PLIN4: variants seen among roughly 807,000 people sequenced by gnomAD.
PLIN4 encodes perilipin 4, also known as perilipin-4.
PLIN4 carries 57 observed loss-of-function variants against 52.4 expected under a neutral mutation model. The observed-to-expected ratio is 1.09, with a 90% confidence interval of 0.88 to 1.36. PLIN4 has a LOEUF of 1.36. PLIN4 is among the 40% of genes most tolerant of loss of function. The pLI, the probability that PLIN4 is intolerant of heterozygous loss-of-function variation, is 0.00. For synonymous variants in PLIN4, 826 were observed against 785.4 expected, an observed-to-expected ratio of 1.05 and a Z score of -0.86; for missense variants, 1,757 against 1,770.3, an observed-to-expected ratio of 0.99 and a Z score of 0.13.
intron 2 of PLIN4, 121 bp from the exon 3 acceptor site, chr19:4,517,819 G>C (rs1041566575): frequency 3.0e-6 from 4 of 1,332,816 alleles, no homozygotes; most frequent in Non-Finnish European, 4.0e-6. Flanking sequence ...GTGACCTCAG[G>C]AAAGTGTTTC....
Position 4,504,427 on chromosome 19 carries a change from C to T in PLIN4, c.*32G>A, listed in dbSNP as rs191354464. 1.9e-3 allele frequency: 2,813 copies of T among 1,488,716 alleles called. 60 individuals carry two copies. The African/African-American group carries it at 0.035, about 19-fold the overall frequency. 92.2% of individuals were successfully genotyped at this position (1,488,716 alleles called of 1,614,324 possible). A position where few individuals can be genotyped will look rare whatever the true frequency, so the allele number is the denominator to read the frequency against. ...CAGCTCCTCCCTGGACAGAGCAGGG[C>T]GACCCCGCGCCGGGCCTGCAGGCTC... On this transcript the variant is annotated 3_prime_UTR_variant, in exon 8 of 8. Coordinates refer to ENST00000301286, the MANE Select transcript of PLIN4 (RefSeq NM_001367868.2).
rs902255174 is a variant in PLIN4 at position 4,505,031 on chromosome 19, T to C, written c.3703-84A>G. 22 of 1,306,154 alleles carry C rather than the reference T, an allele frequency of 1.7e-5. No individual in the cohort carries two copies. In the African/African-American group the frequency reaches 2.9e-4, roughly 17 times the overall value. The allele number at this position is 1,306,154 out of a possible 1,614,324, so 80.9% of individuals were successfully genotyped here. ...CCCACCTCCCCCTCCCCCAGGGACC[T>C]GGGCACATTCACAGTCCTGGGAGAA... On this transcript the variant is annotated intron_variant, in intron 6 of 7. Coordinates refer to ENST00000301286, the MANE Select transcript of PLIN4 (RefSeq NM_001367868.2).
At chr19:4,517,470 G>A (rs1334454657) in intron 3 of PLIN4, 84 bp downstream of exon 3, 3 of 1,488,362 alleles carry the variant, frequency 2.0e-6, no homozygotes, top group South Asian at 1.3e-5. Context: ...TCCCCAAATG[G>A]CTGGAAGTCC....
Position 4,504,128 on chromosome 19 carries a change from C to T in PLIN4, c.*331G>A, listed in dbSNP as rs115997946. The T allele has an allele frequency of 1.3e-3, 348 of 266,020 alleles. 1 individual carries two copies. The highest frequency in any genetic ancestry group is 6.9e-3 in the African/African-American group (314 of 45,364). The allele number at this position is 266,020 out of a possible 1,614,324, so 16.5% of individuals were successfully genotyped here. On this transcript the variant is annotated 3_prime_UTR_variant, in exon 8 of 8. Coordinates refer to ENST00000301286, the MANE Select transcript of PLIN4 (RefSeq NM_001367868.2). ...AACAGATGCCCTTCCAGGCTGGGCA[C>T]GCTGCTTTTTCTCTTTCCTAATTGC... is the stretch of plus-strand genomic sequence containing the variant.
In PLIN4 at chr19:4,504,668, C is replaced by T. The variant is rs764909577; in HGVS notation, c.3907G>A (p.Gly1303Arg). The change falls in exon 8 of 8, where the codon GGG (glycine) becomes AGG (arginine). Residue 1303 changes from glycine to arginine, a missense_variant. Transcript: ENST00000301286. ...GLPAELQQPV[G>R]RARHSLCELY... is the part of the protein sequence containing the mutation. ...TCACAGAGGCTGTGCCGCGCCCGCCCCACTGGCTGCTGGAGCTCGGCGGGC... is the reference window on the plus strand; with the variant it reads ...TCACAGAGGCTGTGCCGCGCCCGCCTCACTGGCTGCTGGAGCTCGGCGGGC... 6.2e-7 allele frequency: 1 copy of T among 1,603,026 alleles called. No homozygotes were observed. Among genetic ancestry groups the T allele is most frequent in the Admixed American group, 1.7e-5 (1 of 59,576 alleles).
At chr19:4,506,473 C>T (rs965430662) in intron 6 of PLIN4, among the ~76,000 whole-genome samples, 1 of 152,226 alleles carries the variant, frequency 6.6e-6, no homozygotes, top group African/African-American at 2.4e-5. Context: ...CAAGCATCAT[C>T]CAACGCGACG....
rs376558815 is a variant in PLIN4 at position 4,504,902 on chromosome 19, G to C, written c.3748C>G (p.Gln1250Glu). ...QAPEGQPRLD[Q>E]GSGASAEDAA... ...TCCTCCGCACTGGCACCTGAGCCCT[G>C]GTCCAGACGTGGCTGCCCTTCTGGA... Residue 1250 changes from glutamine (Q) to glutamate (E), a missense_variant, in exon 7 of 8, where the codon CAG (glutamine) becomes GAG (glutamate). Gln to Glu is a conservative substitution (Grantham distance 29). Around this residue, in one of 7 missense-constraint regions of PLIN4, gnomAD observed 712 missense variants for 637.1 expected, o/e 1.12. Coordinates refer to ENST00000301286, the MANE Select transcript of PLIN4 (RefSeq NM_001367868.2). 1.2e-6 allele frequency: 2 copies of C among 1,608,232 alleles called. No individual in the cohort carries two copies. Among genetic ancestry groups the C allele is most frequent in the Admixed American group, 3.4e-5 (2 of 59,276 alleles).
In PLIN4 at chr19:4,517,752, G is replaced by A. The variant is rs200375580; in HGVS notation, c.52-54C>T. ...GAGCAGGCCAAGCCTCGGCAGGAAC[G>A]GGTCAGAGGAAGCATCGATTGATCA... On this transcript the variant is annotated intron_variant, in intron 2 of 7. Transcript: ENST00000301286. 4.2e-5 allele frequency: 65 copies of A among 1,534,336 alleles called. No individual in the cohort carries two copies. In the Admixed American group the frequency reaches 7.6e-4, roughly 18 times the overall value.
chr19:4,504,653 T>G lies in PLIN4; in HGVS notation c.3922A>C (p.Ser1308Arg). The G allele has an allele frequency of 1.2e-6, 2 of 1,603,398 alleles. No homozygotes were observed. The highest frequency in any genetic ancestry group is 1.7e-6 in the Non-Finnish European group (2 of 1,178,238). ...LQQPVGRARH[S>R]LCELYGIVAS... ...ACGATGCCATAGAGCTCACAGAGGC[T>G]GTGCCGCGCCCGCCCCACTGGCTGC... is the stretch of plus-strand genomic sequence containing the variant. The change falls in exon 8 of 8, where the codon AGC becomes CGC. Residue 1308 changes from serine (S) to arginine (R), a missense_variant. By Grantham distance (110) the Ser-to-Arg change is moderately radical (BLOSUM62 -1). Transcript: ENST00000301286.
At chr19:4,517,760 G>GT in intron 2 of PLIN4, 62 bp from the exon 3 acceptor site, 1 of 1,526,736 alleles carries the variant, frequency 6.5e-7, no homozygotes. Flanking sequence ...ACGGGTCAGA[G>GT]GAAGCATCGA....
rs202096657 is a variant in PLIN4 at position 4,504,689 on chromosome 19, C to G, written c.3886G>C (p.Ala1296Pro). The G allele has an allele frequency of 2.3e-4, 363 of 1,600,948 alleles. No homozygotes were observed. Among genetic ancestry groups the G allele is most frequent in the Admixed American group, 2.9e-4 (17 of 59,278 alleles). ...CGCCCCACTGGCTGCTGGAGCTCGG[C>G]GGGCAGGCCCTGGAGGCTGGAGACC... Reference protein sequence around the residue: ...GLVSSLQGLPAELQQPVGRAR... With the variant: ...GLVSSLQGLPPELQQPVGRAR... The change falls in exon 8 of 8, where the codon GCC (alanine) becomes CCC (proline). Residue 1296 changes from alanine to proline, a missense_variant. Physicochemically the swap from Ala to Pro is conservative, Grantham distance 27 (BLOSUM62 -1). This residue lies in a region of PLIN4 where 712 missense variants were observed against 637.1 expected (regional missense o/e 1.12). Coordinates refer to ENST00000301286, the MANE Select transcript of PLIN4 (RefSeq NM_001367868.2).
At chr19:4,507,771 T>C (rs191958810) in intron 6 of PLIN4, among the ~76,000 whole-genome samples, 208 of 152,198 alleles carry the variant, frequency 1.4e-3, no homozygotes, top group Non-Finnish European at 2.1e-3. Flanking sequence ...AGAGGAAATG[T>C]TGGCCCTCAG....
In PLIN4 at chr19:4,513,612, C is replaced by T; in HGVS notation, c.348G>A (p.Val116=). The T allele has an allele frequency of 5.6e-6, 9 of 1,607,634 alleles. No individual in the cohort carries two copies. The highest frequency in any genetic ancestry group is 7.6e-6 in the Non-Finnish European group (9 of 1,177,432). Residue 116 remains valine (V), a synonymous_variant, in exon 5 of 8, where the codon GTG becomes GTA. Coordinates refer to ENST00000301286, the MANE Select transcript of PLIN4 (RefSeq NM_001367868.2). The stretch of plus-strand genomic sequence containing the variant: ...GGCCTCCCTGGACCACTCCCTTAGC[C>T]ACGTCCACCACGCTGGCCACCCCGG... ...VSSGVASVVD[V]AKGVVQGGLD...
chr19:4,510,829 GC>G lies in PLIN4; in HGVS notation c.3130del (p.Ala1044ProfsTer39), dbSNP rs1284457344. On this transcript the variant is annotated frameshift_variant, in exon 5 of 8. Coordinates refer to ENST00000301286, the MANE Select transcript of PLIN4 (RefSeq NM_001367868.2). LOFTEE classifies it high-confidence loss of function. ...GAAGGTGCTGAGGCCAGTGTGGGTG[GC>G]CCCTGTCGCCACGTTCCCTGACCCC... ...LMGSGNVATG[A>X]THTGLSTFQN... 3.7e-6 allele frequency: 6 copies of G among 1,611,700 alleles called. No homozygotes were observed. Among genetic ancestry groups the G allele is most frequent in the Non-Finnish European group, 5.1e-6 (6 of 1,178,338 alleles).
rs763743642 is a variant in PLIN4, at chr19:4,513,250, G to C, written c.710C>G (p.Ala237Gly). Residue 237 changes from alanine (A) to glycine (G), a missense_variant, in exon 5 of 8, where the codon GCT (alanine) becomes GGT (glycine). Ala to Gly is a moderately conservative substitution (Grantham distance 60, BLOSUM62 0). Transcript: ENST00000301286. The part of the protein sequence containing the change: ...SKAVLTGTKD[A>G]VSTGLTGAVN... The stretch of plus-strand genomic sequence containing the variant: ...TGCCCCTGTGAGCCCAGTGGACACA[G>C]CATCTTTGGTGCCGGTCAGCACAGC... The C allele has an allele frequency of 1.9e-6, 3 of 1,613,844 alleles. No individual in the cohort carries two copies. Among genetic ancestry groups the C allele is most frequent in the Non-Finnish European group, 1.7e-6 (2 of 1,179,890 alleles).
chr19:4,516,783 G>A (rs1976594914), intron 3 of PLIN4, 105 bp from the exon 4 acceptor site: 2 of 1,167,866 alleles, frequency 1.7e-6, no homozygotes, highest in Non-Finnish European at 2.3e-6. Context: ...GGTCAGGAAT[G>A]TTTCAGCTAC....
intron 1 of PLIN4, 32 bp downstream of exon 1, chr19:4,518,353 C>T: frequency 8.1e-7 from 1 of 1,231,892 alleles, no homozygotes. Flanking sequence ...ACACCCACTC[C>T]CCACTGAAAG....
At chr19:4,510,381 AC>A (rs1426918955) in intron 5 of PLIN4, 64 bp downstream of exon 5, 8 of 1,315,558 alleles carry the variant, frequency 6.1e-6, no homozygotes, top group Middle Eastern at 2.0e-4. Context: ...AAAAAACAAA[AC>A]AGTCAAGGAC....
chr19:4,518,238 G>C lies in PLIN4; in HGVS notation c.35C>G (p.Pro12Arg). The C allele has an allele frequency of 1.6e-6, 2 of 1,233,070 alleles. No homozygotes were observed. Among genetic ancestry groups the C allele is most frequent in the Non-Finnish European group, 2.0e-6 (2 of 988,720 alleles). The allele number at this position is 1,233,070 out of a possible 1,614,324, so 76.4% of individuals were successfully genotyped here. A position where few individuals can be genotyped will look rare whatever the true frequency, so the allele number is the denominator to read the frequency against. Residue 12 changes from proline (P) to arginine (R), a missense_variant, in exon 2 of 8, where the codon CCC becomes CGC. Transcript: ENST00000301286. Reference sequence around the variant, plus strand: ...CCTCTTTACCTTGCCCTTCGGTTTGGGGGGATCCCGTCTCCCTTCGTCTGG... The same window carrying C: ...CCTCTTTACCTTGCCCTTCGGTTTGCGGGGATCCCGTCTCCCTTCGTCTGG... ...SAPDEGRRDP[P>R]KPKGKTLGSF...
Sources: gnomAD v4.1 joint callset for allele counts (sites outside exome capture counted in the v4.1 genomes callset) on GRCh38, gnomAD v4.1.1 for gene constraint, gnomAD v4.1.1 regional missense constraint, MANE v1.5 for transcripts, NCBI Gene and HGNC (gene_info 2026-07-23, HGNC 2026-07-21) for gene names.